Variants in TFAP2B observed in about 807,000 individuals in gnomAD.
The protein encoded by TFAP2B is transcription factor AP-2 beta.
Under a neutral mutation model 44.3 loss-of-function variants are expected in TFAP2B, and 9 were observed. That is an observed-to-expected ratio of 0.20 (90% CI 0.12 to 0.35). The LOEUF (loss-of-function observed/expected upper bound fraction) is 0.35, where lower values mean the gene tolerates loss of function less well. TFAP2B is among the 10% of genes least tolerant of loss of function. The probability of loss-of-function intolerance (pLI) is 1.00; values close to 1 mark genes in which losing one functional copy is unlikely to be tolerated. For synonymous variants in TFAP2B, 270 were observed against 263.8 expected, an observed-to-expected ratio of 1.02 and a Z score of -0.23; for missense variants, 509 against 600.0, an observed-to-expected ratio of 0.85 and a Z score of 1.59.
chr6:50,846,186 A>T lies in TFAP2B; in HGVS notation c.*2794A>T, dbSNP rs993854872. 1 of 147,726 alleles carries T rather than the reference A, an allele frequency of 6.8e-6. No individual in the cohort carries two copies. Among genetic ancestry groups the T allele is most frequent in the African/African-American group, 2.6e-5 (1 of 39,008 alleles). The allele number at this position is 147,726 out of a possible 1,614,324, so 9.2% of individuals were successfully genotyped here. ...GTTCCTCCTTGCTCCAGCGAGATAG[A>T]ACCTTTTGCGCCCCCAACCCCGTTT... On this transcript the variant is annotated 3_prime_UTR_variant, in exon 7 of 7. Coordinates refer to ENST00000393655, the MANE Select transcript of TFAP2B (RefSeq NM_003221.4).
At chr6:50,840,849 G>T (rs969370819) in intron 6 of TFAP2B, among the ~76,000 whole-genome samples, 1 of 152,192 alleles carries the variant, frequency 6.6e-6, no homozygotes, top group African/African-American at 2.4e-5. Flanking sequence ...TTTACAGTGG[G>T]TTTTCTATTT....
intron 4 of TFAP2B, 98 bp downstream of exon 4, chr6:50,836,378 C>T (rs1432832718): frequency 5.5e-6 from 6 of 1,095,062 alleles, no homozygotes; most frequent in African/African-American, 4.7e-5. Context: ...TCCAGCAAAA[C>T]CCAATCTGCA....
intron 3 of TFAP2B, 29 bp downstream of exon 3, chr6:50,828,708 CA>C: frequency 6.2e-7 from 1 of 1,612,710 alleles, no homozygotes; most frequent in Non-Finnish European, 8.5e-7. Context: ...AAAAAGTAAG[CA>C]AAGTTCTCTC....
At chr6:50,818,697 T>A, upstream of TFAP2B, 1 of 597,154 alleles carries the variant, frequency 1.7e-6, no homozygotes, top group Non-Finnish European at 3.0e-6. Flanking sequence ...GTGGGTTGCA[T>A]CTAACTCCTG....
At chr6:50,824,236 A>T (rs1196008003) in intron 2 of TFAP2B, among the ~76,000 whole-genome samples, 1 of 152,172 alleles carries the variant, frequency 6.6e-6, no homozygotes, top group African/African-American at 2.4e-5. Flanking sequence ...CCCCTTCTTT[A>T]CCAACACACA....
intron 3 of TFAP2B, among the ~76,000 whole-genome samples, chr6:50,833,537 A>G (rs568132848): frequency 6.6e-6 from 1 of 152,254 alleles, no homozygotes; most frequent in African/African-American, 2.4e-5. Flanking sequence ...AACAAAAACA[A>G]AAACAAAAAC....
chr6:50,836,356 T>C, intron 4 of TFAP2B, 76 bp downstream of exon 4: 1 of 1,294,034 alleles, frequency 7.7e-7, no homozygotes, highest in Non-Finnish European at 1.1e-6. Context: ...TATTGGACAG[T>C]GAGGAGAAGG....
intron 6 of TFAP2B, among the ~76,000 whole-genome samples, chr6:50,841,431 G>C (rs1203528390): frequency 6.8e-6 from 1 of 146,618 alleles, no homozygotes; most frequent in Non-Finnish European, 1.5e-5. Flanking sequence ...GAGGCACGGG[G>C]TGTGTGTGTG....
At chr6:50,826,853 C>G (rs1299504071) in intron 2 of TFAP2B, among the ~76,000 whole-genome samples, 1 of 152,120 alleles carries the variant, frequency 6.6e-6, no homozygotes, top group Non-Finnish European at 1.5e-5. Context: ...TAAAGCAACC[C>G]CTGGTATCAC....
intron 6 of TFAP2B, among the ~76,000 whole-genome samples, chr6:50,841,440 T>TC (rs1554164985): frequency 6.6e-6 from 1 of 151,720 alleles, no homozygotes; most frequent in African/African-American, 2.4e-5. Flanking sequence ...GGTGTGTGTG[T>TC]GGGGGGGATC....
chr6:50,847,332 C>A lies in TFAP2B; in HGVS notation c.*3940C>A, dbSNP rs1327905001. ...AAGAAATATCAATCTATTGACTCTT[C>A]ACGAGAAGAGCTCTGGAGGGTATTC... is the stretch of plus-strand genomic sequence containing the variant. On this transcript the variant is annotated 3_prime_UTR_variant, in exon 7 of 7. Transcript: ENST00000393655. 6.6e-6 allele frequency: 1 copy of A among 152,584 alleles called. No homozygotes were observed. Among genetic ancestry groups the A allele is most frequent in the East Asian group, 1.9e-4 (1 of 5,198 alleles). The allele number at this position is 152,584 out of a possible 1,614,324, so 9.5% of individuals were successfully genotyped here. A position where few individuals can be genotyped will look rare whatever the true frequency, so the allele number is the denominator to read the frequency against.
chr6:50,824,706 C>G (rs1731769513), intron 2 of TFAP2B, among the ~76,000 whole-genome samples: 1 of 152,166 alleles, frequency 6.6e-6, no homozygotes, highest in African/African-American at 2.4e-5. Flanking sequence ...AAACAAAAGG[C>G]TCAAAACACT....
rs1762832717 is a variant in TFAP2B, at chr6:50,845,730, A to G, written c.*2338A>G. The G allele has an allele frequency of 6.5e-6, 1 of 152,804 alleles. No homozygotes were observed. Among genetic ancestry groups the G allele is most frequent in the African/African-American group, 2.4e-5 (1 of 41,482 alleles). The allele number at this position is 152,804 out of a possible 1,614,324, so 9.5% of individuals were successfully genotyped here. On this transcript the variant is annotated 3_prime_UTR_variant, in exon 7 of 7. Transcript: ENST00000393655. ...ACGCGCCCCACGCGTGTGACGTGCG[A>G]GAGACGCGATGGACGCGCCTTGCTC...
rs778261574 is a variant in TFAP2B at position 50,843,268 on chromosome 6, A to G, written c.1259A>G (p.Tyr420Cys). Residue 420 changes from tyrosine (Y) to cysteine (C), a missense_variant, in exon 7 of 7, where the codon TAT becomes TGT. Transcript: ENST00000393655. The part of the protein sequence containing the change: ...ICAALTALQN[Y>C]LTEALKGMDK... ...GCCGCGCTCACGGCCCTGCAGAACT[A>G]TCTCACCGAGGCGCTCAAAGGCATG... is the stretch of plus-strand genomic sequence containing the variant. 1.2e-6 allele frequency: 2 copies of G among 1,614,138 alleles called. No homozygotes were observed. Among genetic ancestry groups the G allele is most frequent in the Admixed American group, 1.7e-5 (1 of 60,020 alleles).
chr6:50,843,233 G>T lies in TFAP2B; in HGVS notation c.1224G>T (p.Pro408=), dbSNP rs751652364. Residue 408 remains proline (P), a synonymous_variant, in exon 7 of 7, where the codon CCG becomes CCT. Transcript: ENST00000393655. Reference sequence around the variant, plus strand: ...TCATCACGCACGGCTTCGGCGCCCCGGCCATTTGCGCCGCGCTCACGGCCC... The same window carrying T: ...TCATCACGCACGGCTTCGGCGCCCCTGCCATTTGCGCCGCGCTCACGGCCC... ...FSLITHGFGA[P]AICAALTALQ... 11 of 1,614,040 alleles carry T rather than the reference G, an allele frequency of 6.8e-6. No individual in the cohort carries two copies. The highest frequency in any genetic ancestry group is 9.3e-6 in the Non-Finnish European group (11 of 1,180,048).
chr6:50,840,280 T>C lies in TFAP2B; in HGVS notation c.1065T>C (p.Asn355=), dbSNP rs1157543469. The change falls in exon 6 of 7, where the codon AAT becomes AAC. Residue 355 remains asparagine (N), a synonymous_variant. Coordinates refer to ENST00000393655, the MANE Select transcript of TFAP2B (RefSeq NM_003221.4). ...TDPSDLHSRK[N]MLLATKQLCK... ...CGAGTGACCTGCACTCCCGAAAGAA[T>C]ATGCTGTTGGCCACCAAGTGAGTTT... 6.2e-7 allele frequency: 1 copy of C among 1,613,998 alleles called. No homozygotes were observed. Among genetic ancestry groups the C allele is most frequent in the Admixed American group, 1.7e-5 (1 of 60,016 alleles).
At chr6:50,832,744 A>G (rs1279981335) in intron 3 of TFAP2B, among the ~76,000 whole-genome samples, 1 of 152,036 alleles carries the variant, frequency 6.6e-6, no homozygotes, top group African/African-American at 2.4e-5. Context: ...AGTTCTCAAA[A>G]CTATAATTTC....
At chr6:50,836,030 A>G in intron 3 of TFAP2B, 31 bp from the exon 4 acceptor site, 1 of 1,580,138 alleles carries the variant, frequency 6.3e-7, no homozygotes, top group African/African-American at 1.3e-5. Context: ...AAACTTGGTC[A>G]CCTTTATGGC....
chr6:50,843,061 GATTT>G, intron 6 of TFAP2B, 27 bp from the exon 7 acceptor site: 1 of 1,614,050 alleles, frequency 6.2e-7, no homozygotes, highest in Non-Finnish European at 8.5e-7. Context: ...CACTGAGGGT[GATTT>G]TCTGTGCCTC....
Sources: allele counts gnomAD v4.1 joint callset (sites outside exome capture counted in the v4.1 genomes callset), GRCh38; gene constraint gnomAD v4.1.1; transcripts MANE v1.5; gene names NCBI Gene and HGNC (gene_info 2026-07-23, HGNC 2026-07-21).